MACROD2: variants seen among roughly 807,000 people sequenced by gnomAD.
MACROD2 encodes ADP-ribose glycohydrolase MACROD2.
Under a neutral mutation model 70.4 loss-of-function variants are expected in MACROD2, and 36 were observed. The observed-to-expected ratio is 0.51, with a 90% confidence interval of 0.39 to 0.68. The LOEUF (loss-of-function observed/expected upper bound fraction) is 0.68, where lower values mean the gene tolerates loss of function less well. Among genes scored for constraint, MACROD2 ranks in the 30% least tolerant of loss-of-function variants. The pLI is 0.00. For missense variants in MACROD2, 496 were observed against 538.4 expected, an observed-to-expected ratio of 0.92 and a Z score of 0.78; for synonymous variants, 172 against 178.8, an observed-to-expected ratio of 0.96 and a Z score of 0.30.
intron 8 of MACROD2, among the ~76,000 whole-genome samples, chr20:15,531,170 A>T (rs1024732749): frequency 2.7e-5 from 4 of 150,692 alleles, no homozygotes; most frequent in African/African-American, 9.9e-5. Flanking sequence ...TTACCAGAAT[A>T]AATAGGAAAA....
intron 8 of MACROD2, among the ~76,000 whole-genome samples, chr20:15,546,017 G>A (rs1192914859): frequency 1.3e-5 from 2 of 152,180 alleles, no homozygotes; most frequent in Non-Finnish European, 1.5e-5. Context: ...CACTTTGGGA[G>A]GACAAGGTGG....
intron 5 of MACROD2, among the ~76,000 whole-genome samples, chr20:15,186,918 C>T (rs2076538511): frequency 6.6e-6 from 1 of 152,180 alleles, no homozygotes; most frequent in African/African-American, 2.4e-5. Flanking sequence ...AATCATGACG[C>T]ATATTTTAAC....
intron 3 of MACROD2, among the ~76,000 whole-genome samples, chr20:14,270,854 C>T (rs1002166625): frequency 2.6e-5 from 4 of 152,202 alleles, no homozygotes; most frequent in Non-Finnish European, 5.9e-5. Context: ...ACACCTGGCT[C>T]AGAGGGTCCT....
At chr20:15,210,302 T>C (rs1219845851) in intron 5 of MACROD2, among the ~76,000 whole-genome samples, 1 of 152,232 alleles carries the variant, frequency 6.6e-6, no homozygotes, top group African/African-American at 2.4e-5. Context: ...GGGACTCCAG[T>C]GGCAAAGGTT....
chr20:14,038,700 TAACA>T (rs1487933722), intron 2 of MACROD2, among the ~76,000 whole-genome samples: 9 of 152,234 alleles, frequency 5.9e-5, no homozygotes, highest in Non-Finnish European at 8.8e-5. Flanking sequence ...GTTTTTAATT[TAACA>T]AACAAGTATT....
At chr20:15,699,969 T>A (rs1053704771) in intron 8 of MACROD2, among the ~76,000 whole-genome samples, 2 of 152,128 alleles carry the variant, frequency 1.3e-5, no homozygotes, top group Non-Finnish European at 2.9e-5. Context: ...TTTACTCGAC[T>A]CACTAACTTG....
chr20:14,382,147 C>A (rs936639372), intron 3 of MACROD2, among the ~76,000 whole-genome samples: 1 of 150,768 alleles, frequency 6.6e-6, no homozygotes, highest in Admixed American at 6.6e-5. Context: ...CTGCAAACTC[C>A]GCCTCCAGGG....
At chr20:15,424,628 G>C (rs559251546) in intron 6 of MACROD2, among the ~76,000 whole-genome samples, 25 of 152,306 alleles carry the variant, frequency 1.6e-4, no homozygotes, top group South Asian at 4.2e-4. Context: ...GCTGAGGAGG[G>C]AGAATGGCTT....
At chr20:15,989,865 AACCT>A (rs2066534820) in intron 15 of MACROD2, among the ~76,000 whole-genome samples, 1 of 26,462 alleles carries the variant, frequency 3.8e-5, no homozygotes, top group Non-Finnish European at 8.4e-5. Flanking sequence ...AAAAATATAT[AACCT>A]TTTTCTCTCT....
intron 3 of MACROD2, among the ~76,000 whole-genome samples, chr20:14,481,891 A>G (rs933143539): frequency 6.6e-6 from 1 of 152,242 alleles, no homozygotes; most frequent in Non-Finnish European, 1.5e-5. Context: ...TGCCTGATAC[A>G]TAATAGATGC....
At chr20:15,117,827 A>T (rs963724996) in intron 5 of MACROD2, among the ~76,000 whole-genome samples, 1 of 152,170 alleles carries the variant, frequency 6.6e-6, no homozygotes, top group African/African-American at 2.4e-5. Flanking sequence ...TTATGGATGG[A>T]ATGACGATAC....
chr20:14,628,946 T>G (rs901608723), intron 4 of MACROD2: 1 of 152,224 alleles, frequency 6.6e-6, no homozygotes, highest in Non-Finnish European at 1.5e-5. Context: ...GGAACTTTGG[T>G]GATGTTTTCT....
chr20:14,788,869 A>G (rs985476041), intron 5 of MACROD2, among the ~76,000 whole-genome samples: 1 of 148,662 alleles, frequency 6.7e-6, no homozygotes, highest in Non-Finnish European at 1.5e-5. Context: ...CCTGGGTTGA[A>G]GCAATTCCCC....
intron 6 of MACROD2, among the ~76,000 whole-genome samples, chr20:15,235,657 C>T (rs1358028292): frequency 6.6e-6 from 1 of 152,214 alleles, no homozygotes; most frequent in East Asian, 1.9e-4. Context: ...AGAGGGTTGC[C>T]ATGGCAATGA....
intron 5 of MACROD2, among the ~76,000 whole-genome samples, chr20:15,047,379 CACTT>C (rs1321457592): frequency 6.6e-6 from 1 of 152,020 alleles, no homozygotes; most frequent in Non-Finnish European, 1.5e-5. Flanking sequence ...AAGGACAAAA[CACTT>C]ACTGGCAGCA....
intron 3 of MACROD2, among the ~76,000 whole-genome samples, chr20:14,479,881 CT>C (rs1222672133): frequency 6.6e-6 from 1 of 152,014 alleles, no homozygotes; most frequent in South Asian, 2.1e-4. Context: ...ATAGTTATAT[CT>C]TTTTTTAAAT....
chr20:14,098,582 C>T (rs893878760), intron 3 of MACROD2, among the ~76,000 whole-genome samples: 1 of 152,064 alleles, frequency 6.6e-6, no homozygotes, highest in Non-Finnish European at 1.5e-5. Flanking sequence ...TAGGACTGCA[C>T]AGGATGAAAG....
At chr20:14,023,847 T>G (rs867518096) in intron 2 of MACROD2, among the ~76,000 whole-genome samples, 12 of 152,198 alleles carry the variant, frequency 7.9e-5, no homozygotes, top group African/African-American at 2.9e-4. Context: ...GCCTCCAGCT[T>G]TGTTCTTTTT....
chr20:15,857,353 A>G (rs2064368740), intron 8 of MACROD2, among the ~76,000 whole-genome samples: 1 of 152,228 alleles, frequency 6.6e-6, no homozygotes, highest in East Asian at 1.9e-4. Flanking sequence ...TGAAAGTCAC[A>G]AGGGAAAACT....
Sources: gnomAD v4.1 joint callset for allele counts (sites outside exome capture counted in the v4.1 genomes callset) on GRCh38, gnomAD v4.1.1 for gene constraint, MANE v1.5 for transcripts, NCBI Gene and HGNC (gene_info 2026-07-23, HGNC 2026-07-21) for gene names.